DNMBP: variants seen among roughly 807,000 people sequenced by gnomAD.
The protein encoded by DNMBP is dynamin-binding protein.
DNMBP carries 87 observed loss-of-function variants against 150.0 expected under a neutral mutation model. The ratio of observed to expected loss-of-function variants is 0.58; its 90% CI spans 0.49 to 0.69. The LOEUF is 0.69. Among genes scored for constraint, DNMBP ranks in the 30% least tolerant of loss-of-function variants. DNMBP has a pLI of 0.00. For synonymous variants in DNMBP, 711 were observed against 750.4 expected (o/e 0.95, Z 0.86); for missense variants, 1,774 against 1,949.0 (o/e 0.91, Z 1.69).
chr10:99,950,280 G>C (rs2040405264), intron 4 of DNMBP, among the ~76,000 whole-genome samples: 1 of 152,202 alleles, frequency 6.6e-6, no homozygotes, highest in Non-Finnish European at 1.5e-5. Context: ...GGAACGATAA[G>C]TCCATTAAAC....
In DNMBP at chr10:99,877,092, C is replaced by CGTATCATTTA; in HGVS notation, c.*58_*59insTAAATGATAC. The CGTATCATTTA allele has an allele frequency of 7.2e-7, 1 of 1,383,408 alleles. No individual in the cohort carries two copies. Among genetic ancestry groups the CGTATCATTTA allele is most frequent in the Non-Finnish European group, 9.5e-7 (1 of 1,056,936 alleles). 85.7% of individuals were successfully genotyped at this position (1,383,408 alleles called of 1,614,324 possible). ...AGCAGGCGCCCTCTCGGTGGGCCGC[C>CGTATCATTTA]AGAACCCTCGGCGGACTGAAAGCAA... On this transcript the variant is annotated 3_prime_UTR_variant, in exon 17 of 17. Transcript: ENST00000324109.
chr10:99,987,420 G>A (rs2040840321), intron 1 of DNMBP, among the ~76,000 whole-genome samples: 1 of 152,048 alleles, frequency 6.6e-6, no homozygotes, highest in African/African-American at 2.4e-5. Context: ...AGAGTAGCTG[G>A]GATAAGATAA....
At chr10:99,928,483 A>G (rs1214788400) in intron 4 of DNMBP, among the ~76,000 whole-genome samples, 1 of 152,234 alleles carries the variant, frequency 6.6e-6, no homozygotes, top group Non-Finnish European at 1.5e-5. Flanking sequence ...GCATGAAGAC[A>G]ACATACAGCA....
rs575751165 is a variant in DNMBP, at chr10:99,882,937, C to T, written c.3997+1074G>A. Among the ~76,000 whole-genome samples, 73 of 152,134 alleles carry T rather than the reference C, an allele frequency of 4.8e-4. No individual in the cohort carries two copies. The South Asian group carries it at 9.3e-3, about 19-fold the overall frequency. ...AAACAGTTAGCCAGGTGTGGTGGTG[C>T]GTGCTACTTGTGAGGCTGAGGCAGG... On this transcript the variant is annotated intron_variant, in intron 15 of 16. Coordinates refer to ENST00000324109, the MANE Select transcript of DNMBP (RefSeq NM_015221.4).
intron 7 of DNMBP, among the ~76,000 whole-genome samples, chr10:99,899,167 C>T (rs540167557): frequency 5.5e-4 from 83 of 151,060 alleles, no homozygotes; most frequent in African/African-American, 1.8e-3. Context: ...CCAGCCTGGA[C>T]GACAGAGTGA....
At chr10:100,006,660 C>G (rs1330132602) in intron 1 of DNMBP, among the ~76,000 whole-genome samples, 4 of 151,422 alleles carry the variant, frequency 2.6e-5, no homozygotes, top group South Asian at 4.2e-4. Context: ...CCCACTCCCA[C>G]CCCCTCTCAT....
intron 1 of DNMBP, among the ~76,000 whole-genome samples, chr10:99,999,240 C>T (rs953790403): frequency 2.0e-5 from 3 of 152,214 alleles, no homozygotes; most frequent in South Asian, 2.1e-4. Flanking sequence ...TATGGCAAGA[C>T]GGTTGAGAGC....
intron 11 of DNMBP, among the ~76,000 whole-genome samples, chr10:99,894,576 G>GTTCT (rs1564721243): frequency 6.6e-6 from 1 of 152,110 alleles, no homozygotes; most frequent in East Asian, 1.9e-4. Context: ...TTCACTGCTT[G>GTTCT]TTCTTTCTCG....
chr10:99,950,285 T>C (rs1339428358), intron 4 of DNMBP, among the ~76,000 whole-genome samples: 1 of 152,208 alleles, frequency 6.6e-6, no homozygotes, highest in East Asian at 1.9e-4. Context: ...GATAAGTCCA[T>C]TAAACCTCTT....
At chr10:99,899,871 T>TA in intron 7 of DNMBP, 48 bp downstream of exon 7, 1 of 1,606,318 alleles carries the variant, frequency 6.2e-7, no homozygotes, top group Non-Finnish European at 8.5e-7. Flanking sequence ...AGGTATAACT[T>TA]AGAGAACTAA....
At chr10:99,918,923 ATAAG>A (rs1455132480) in intron 4 of DNMBP, among the ~76,000 whole-genome samples, 1 of 152,254 alleles carries the variant, frequency 6.6e-6, no homozygotes, top group Admixed American at 6.5e-5. Context: ...TTTAGGCAGC[ATAAG>A]TAAAATAATC....
chr10:99,966,824 A>G (rs1400568937), intron 3 of DNMBP, among the ~76,000 whole-genome samples: 1 of 151,892 alleles, frequency 6.6e-6, no homozygotes, highest in African/African-American at 2.4e-5. Context: ...TCTGTTGCCC[A>G]AGCTGGAGTG....
Position 99,982,466 on chromosome 10 carries a change from TAATAA to T in DNMBP, c.-10-10337_-10-10333del, listed in dbSNP as rs894959863. Among the ~76,000 whole-genome samples the T allele has an allele frequency of 8.2e-4, 124 of 151,150 alleles. 1 individual carries two copies. The highest frequency in any genetic ancestry group is 2.8e-3 in the African/African-American group (115 of 41,280). ...CTCAAAAAATAAATAAATAAATAAA[TAATAA>T]AATAAAATAAAGAATTGAGCAAAGT... On this transcript the variant is annotated intron_variant, in intron 1 of 16. Transcript: ENST00000324109.
intron 4 of DNMBP, among the ~76,000 whole-genome samples, chr10:99,948,654 A>G (rs1464801739): frequency 2.6e-5 from 4 of 152,124 alleles, no homozygotes; most frequent in Non-Finnish European, 4.4e-5. Context: ...AGCTATGCTT[A>G]CCATATGGAA....
chr10:99,956,461 CT>C lies in DNMBP; in HGVS notation c.1012del (p.Arg338AspfsTer27). The C allele has an allele frequency of 1.9e-6, 3 of 1,614,150 alleles. No individual in the cohort carries two copies. The highest frequency in any genetic ancestry group is 2.5e-6 in the Non-Finnish European group (3 of 1,180,028). Reference protein sequence around the residue: ...LENTLGVEEQRHETSDHEAEE... With the variant: ...LENTLGVEEQXHETSDHEAEE... The stretch of plus-strand genomic sequence containing the variant: ...GGCCTCATGGTCACTGGTTTCATGT[CT>C]TTGTTCCTCTACTCCTAAGGTGTTC... On this transcript the variant is annotated frameshift_variant, in exon 4 of 17. Transcript: ENST00000324109. LOFTEE classifies it high-confidence loss of function.
intron 3 of DNMBP, among the ~76,000 whole-genome samples, chr10:99,966,094 T>C (rs2040616454): frequency 6.6e-6 from 1 of 152,174 alleles, no homozygotes; most frequent in Non-Finnish European, 1.5e-5. Flanking sequence ...ACAAGCTAAG[T>C]TTCCCAGAAA....
chr10:99,886,582 G>A lies in DNMBP; in HGVS notation c.3336C>T (p.Ser1112=), dbSNP rs766637924. 6.8e-6 allele frequency: 11 copies of A among 1,614,132 alleles called. No individual in the cohort carries two copies. Among genetic ancestry groups the A allele is most frequent in the Non-Finnish European group, 9.3e-6 (11 of 1,180,022 alleles). ...CCAGCTTATGGGGCCCTGTAAACAT[G>A]CTCAGTAACTGATTTAAGGGGGAGA... ...LVISPLNQLL[S]MFTGPHKLVQ... Residue 1112 remains serine, a synonymous_variant, in exon 13 of 17, where the codon AGC becomes AGT. Coordinates refer to ENST00000324109, the MANE Select transcript of DNMBP (RefSeq NM_015221.4).
Position 99,886,514 on chromosome 10 carries a change from G to A in DNMBP, c.3404C>T (p.Thr1135Ile), listed in dbSNP as rs1315496322. 8.7e-6 allele frequency: 14 copies of A among 1,614,028 alleles called. No homozygotes were observed. Among genetic ancestry groups the A allele is most frequent in the East Asian group, 2.2e-5 (1 of 44,890 alleles). Residue 1135 changes from threonine (T) to isoleucine (I), a missense_variant, in exon 13 of 17, where the codon ACA (threonine) becomes ATA (isoleucine). Transcript: ENST00000324109. ...FDKLLDFYNC[T>I]ERAEKLKDKK... The stretch of plus-strand genomic sequence containing the variant: ...GTCCTTTAGCTTTTCTGCCCGTTCT[G>A]TACAGTTATAGAAGTCCAGGAGCTT...
At chr10:99,877,412 G>A (rs2039293818) in intron 16 of DNMBP, 76 bp from the exon 17 acceptor site, 1 of 1,249,050 alleles carries the variant, frequency 8.0e-7, no homozygotes, top group East Asian at 2.5e-5. Flanking sequence ...GTGTTGGGGA[G>A]GGTTCCACAT....
Sources: allele counts gnomAD v4.1 joint callset (sites outside exome capture counted in the v4.1 genomes callset), GRCh38; gene constraint gnomAD v4.1.1; transcripts MANE v1.5; gene names NCBI Gene and HGNC (gene_info 2026-07-23, HGNC 2026-07-21).